Variants in CENPK observed in about 807,000 individuals in gnomAD.
CENPK encodes centromere protein K, also known as SoxLZ/Sox6-binding protein Solt.
CENPK carries 46 observed loss-of-function variants against 40.9 expected under a neutral mutation model. The observed-to-expected ratio is 1.13, with a 90% confidence interval of 0.89 to 1.44. The LOEUF (loss-of-function observed/expected upper bound fraction) is 1.44. Among genes scored for constraint, CENPK ranks in the 40% most tolerant of loss-of-function variants. CENPK has a pLI of 0.00. For missense variants in CENPK, 288 were observed against 303.5 expected, an observed-to-expected ratio of 0.95 and a Z score of 0.38; for synonymous variants, 107 against 104.4, an observed-to-expected ratio of 1.02 and a Z score of -0.15.
chr5:65,496,232 TG>T, the CENPK span, among the ~76,000 whole-genome samples: 1 of 151,228 alleles, frequency 6.6e-6, no homozygotes, highest in Admixed American at 6.6e-5. Flanking sequence ...CATTCCAGCC[TG>T]GGCTATAGAG....
chr5:65,503,590 C>T, the CENPK span, among the ~76,000 whole-genome samples: 2 of 151,970 alleles, frequency 1.3e-5, no homozygotes. Flanking sequence ...TAAATTGGCA[C>T]ATTTAAAATT....
At chr5:65,504,530 C>T in the CENPK span, among the ~76,000 whole-genome samples, 1 of 149,524 alleles carries the variant, frequency 6.7e-6, no homozygotes, top group Non-Finnish European at 1.5e-5. Flanking sequence ...TTATTACTTA[C>T]TTTTGCAATA....
At chr5:65,517,469 C>T (rs245550), downstream of CENPK, among the ~76,000 whole-genome samples, 61,826 of 151,916 alleles carry the variant, frequency 0.41, 12,936 homozygotes, top group East Asian at 0.65. Flanking sequence ...GAGTTACGTT[C>T]CCTAAAATAT....
intron 2 of CENPK, among the ~76,000 whole-genome samples, chr5:65,556,317 T>C (rs1265928276): frequency 6.6e-6 from 1 of 151,784 alleles, no homozygotes; most frequent in South Asian, 2.1e-4. Flanking sequence ...TATAAAAAAA[T>C]TTTAAAAATT....
chr5:65,513,753 T>C (rs555353035), downstream of CENPK, among the ~76,000 whole-genome samples: 44 of 152,202 alleles, frequency 2.9e-4, no homozygotes, highest in Non-Finnish European at 5.7e-4. Context: ...AGTGCAACAT[T>C]AAATAGGAAT....
intron 6 of CENPK, among the ~76,000 whole-genome samples, chr5:65,529,986 G>T (rs1188227177): frequency 6.6e-6 from 1 of 150,906 alleles, no homozygotes; most frequent in Non-Finnish European, 1.5e-5. Context: ...TGTATTTTTA[G>T]TAGAGACGGG....
chr5:65,555,073 T>G (rs1435616100), intron 2 of CENPK, 127 bp from the exon 3 acceptor site: 8 of 544,660 alleles, frequency 1.5e-5, no homozygotes, highest in Admixed American at 3.6e-5. Context: ...ACCGTGAACC[T>G]TATTCTAAGT....
At position 65,521,511 on chromosome 5, in the gene CENPK, T is replaced by G; in HGVS notation, c.615A>C (p.Ser205=). The change falls in exon 10 of 11, where the codon TCA becomes TCC. Residue 205 remains serine, a synonymous_variant. Transcript: ENST00000396679. ...CATGCAGTGTTATCAGGTTTACAGA[T>G]GATTCTTGAATGTTTTTCTTCAAGA... ...VKKKKKNIQE[S]SVNLITLHEM... is the part of the protein sequence containing the mutation. 6.2e-7 allele frequency: 1 copy of G among 1,608,252 alleles called. No homozygotes were observed. Among genetic ancestry groups the G allele is most frequent in the Non-Finnish European group, 8.5e-7 (1 of 1,175,888 alleles).
At chr5:65,505,620 G>A in the CENPK span, among the ~76,000 whole-genome samples, 2 of 152,026 alleles carry the variant, frequency 1.3e-5, no homozygotes, top group Admixed American at 1.3e-4. Flanking sequence ...CAGCCTGGGC[G>A]ACAGAGTGAG....
At chr5:65,498,400 T>C in the CENPK span, among the ~76,000 whole-genome samples, 1 of 151,972 alleles carries the variant, frequency 6.6e-6, no homozygotes, top group Non-Finnish European at 1.5e-5. Flanking sequence ...GGTATTGACA[T>C]TTTATCAGTT....
At chr5:65,504,457 C>A in the CENPK span, among the ~76,000 whole-genome samples, 763 of 99,366 alleles carry the variant, frequency 7.7e-3, no homozygotes, top group African/African-American at 0.011. Context: ...AATTCCGTAT[C>A]AAAAAAAAAA....
intron 2 of CENPK, among the ~76,000 whole-genome samples, chr5:65,559,147 A>T (rs1751483199): frequency 6.6e-6 from 1 of 152,214 alleles, no homozygotes; most frequent in Non-Finnish European, 1.5e-5. Flanking sequence ...TATACTGCTT[A>T]ATCAATAACT....
chr5:65,547,719 C>G (rs1440461357), intron 5 of CENPK, among the ~76,000 whole-genome samples: 1 of 151,906 alleles, frequency 6.6e-6, no homozygotes, highest in Non-Finnish European at 1.5e-5. Context: ...GGCAGGAGTG[C>G]AGTGGCATGA....
chr5:65,541,541 T>C (rs910053589), intron 6 of CENPK: 7 of 435,136 alleles, frequency 1.6e-5, no homozygotes, highest in African/African-American at 1.0e-4. Flanking sequence ...CACTTTGTTT[T>C]TTTCCTCTCT....
At chr5:65,518,794 T>C (rs933836332) in intron 10 of CENPK, among the ~76,000 whole-genome samples, 161 bp from the exon 11 acceptor site, 4 of 152,200 alleles carry the variant, frequency 2.6e-5, no homozygotes, top group Admixed American at 2.6e-4. Flanking sequence ...GGACTATGGG[T>C]ATTAGCTAAT....
At chr5:65,555,969 A>T (rs1184992763) in intron 2 of CENPK, among the ~76,000 whole-genome samples, 1 of 152,160 alleles carries the variant, frequency 6.6e-6, no homozygotes, top group East Asian at 1.9e-4. Context: ...TCACACAGAT[A>T]AGACTTACAC....
In CENPK at chr5:65,549,633, C is replaced by A. The variant is rs1034595188; in HGVS notation, c.241+1931G>T. ...CCTCAGTACTTGCTGCTTCCCCTTG[C>A]ATTTTTATGTTATGGAGATGGCTTC... On this transcript the variant is annotated intron_variant, in intron 5 of 10. Transcript: ENST00000396679. Among the ~76,000 whole-genome samples, 37 of 152,306 alleles carry A rather than the reference C, an allele frequency of 2.4e-4. 1 individual carries two copies. The highest frequency in any genetic ancestry group is 1.9e-3 in the Admixed American group (29 of 15,302).
chr5:65,541,331 T>C (rs1747937869), intron 6 of CENPK: 2 of 454,148 alleles, frequency 4.4e-6, no homozygotes, highest in South Asian at 1.6e-5. Flanking sequence ...GACTGAGCGC[T>C]CAACCTGTGG....
downstream of CENPK, among the ~76,000 whole-genome samples, chr5:65,514,428 C>T (rs898623698): frequency 6.6e-6 from 1 of 151,710 alleles, no homozygotes; most frequent in Admixed American, 6.6e-5. Context: ...CCACGCCTGG[C>T]TAATTTTTTA....
Sources: gnomAD v4.1 joint callset for allele counts (sites outside exome capture counted in the v4.1 genomes callset) on GRCh38, gnomAD v4.1.1 for gene constraint, MANE v1.5 for transcripts, NCBI Gene and HGNC (gene_info 2026-07-23, HGNC 2026-07-21) for gene names.